The following SLC2A14 variants were observed in gnomAD, a reference collection of about 807,000 sequenced individuals.
SLC2A14 encodes the protein solute carrier family 2 member 14.
Under a neutral mutation model 43.0 loss-of-function variants are expected in SLC2A14, and 13 were observed. The ratio of observed to expected loss-of-function variants is 0.30; its 90% CI spans 0.20 to 0.48. SLC2A14 has a LOEUF of 0.48. Among genes scored for constraint, SLC2A14 ranks in the 20% least tolerant of loss-of-function variants. SLC2A14 has a pLI of 0.99. For synonymous variants in SLC2A14, 190 were observed against 233.8 expected (o/e 0.81, Z 1.71); for missense variants, 428 against 620.4 (o/e 0.69, Z 3.29).
In SLC2A14 at chr12:7,813,558, T is replaced by C. The variant is rs766782221; in HGVS notation, c.*758A>G. ...AAAGGAAATGAGTAGCTTTATTAAATAGGCATACAACTTTTCTGAGAAATC... is the reference window on the plus strand; with the variant it reads ...AAAGGAAATGAGTAGCTTTATTAAACAGGCATACAACTTTTCTGAGAAATC... On this transcript the variant is annotated 3_prime_UTR_variant, in exon 11 of 11. Coordinates refer to ENST00000431042, the MANE Select transcript of SLC2A14 (RefSeq NM_001286234.2). 40 of 152,320 alleles carry C rather than the reference T, an allele frequency of 2.6e-4. No individual in the cohort carries two copies. The highest frequency in any genetic ancestry group is 9.6e-4 in the African/African-American group (40 of 41,558). 9.4% of individuals were successfully genotyped at this position (152,320 alleles called of 1,614,324 possible).
chr12:7,873,359 G>A (rs1321913190), upstream of SLC2A14: 4 of 985,246 alleles, frequency 4.1e-6, no homozygotes, highest in Non-Finnish European at 4.8e-6. Context: ...GAGTTATTTC[G>A]GGCCGCGCAC....
chr12:7,885,674 AACAG>A (rs756610552), intron 1 of SLC2A14, among the ~76,000 whole-genome samples: 120 of 152,214 alleles, frequency 7.9e-4, no homozygotes, highest in African/African-American at 2.8e-3. Context: ...AAGAAAAGTA[AACAG>A]ACAAACAAAC....
intron 10 of SLC2A14, among the ~76,000 whole-genome samples, chr12:7,815,346 G>C (rs1304127439): frequency 1.3e-5 from 2 of 152,072 alleles, no homozygotes; most frequent in African/African-American, 4.8e-5. Flanking sequence ...ATCCCAGGAG[G>C]CAGAGGTTGC....
chr12:7,844,543 CT>C (rs34332998), intron 2 of SLC2A14, among the ~76,000 whole-genome samples: 84 of 146,018 alleles, frequency 5.8e-4, no homozygotes, highest in African/African-American at 5.0e-4. Context: ...TAGTAAACTC[CT>C]TTTTTTTTTT....
rs200866373 is a variant in SLC2A14, at chr12:7,834,188, CT to C, written c.19-1375del. 7.7e-3 allele frequency among the ~76,000 whole-genome samples: 1,136 copies of C among 147,932 alleles called. 26 individuals are homozygous for C. The highest frequency in any genetic ancestry group is 0.027 in the African/African-American group (1,077 of 40,442). On this transcript the variant is annotated intron_variant, in intron 2 of 10. Coordinates refer to ENST00000431042, the MANE Select transcript of SLC2A14 (RefSeq NM_001286234.2). The stretch of plus-strand genomic sequence containing the variant: ...CTCATCATTCACTATCTTTGAGAGC[CT>C]TTTTTTTTTCATTAGTCTCATAACT...
At chr12:7,881,132 C>A (rs1017252268) in intron 1 of SLC2A14, among the ~76,000 whole-genome samples, 2 of 152,120 alleles carry the variant, frequency 1.3e-5, no homozygotes, top group African/African-American at 2.4e-5. Context: ...TCCTCACAGC[C>A]CTCGCTCGCT....
chr12:7,890,910 G>A, intron 1 of SLC2A14: 2 of 1,416,018 alleles, frequency 1.4e-6, no homozygotes, highest in Non-Finnish European at 1.9e-6. Context: ...AAGAGAGACA[G>A]GAGGGCAAGT....
At position 7,883,123 on chromosome 12, in the gene SLC2A14, C is replaced by T. The variant is rs1813006902; in HGVS notation, c.132+7873G>A. On this transcript the variant is annotated intron_variant, in intron 1 of 9. Coordinates refer to the SLC2A14 transcript ENST00000539924. ...ACTCCGTAGGCTGAGTTGGGAGAAT[C>T]GCTGGAACCCAGAAGTCAGAGGTTG... is the stretch of plus-strand genomic sequence containing the variant. Among the ~76,000 whole-genome samples, 3 of 151,632 alleles carry T rather than the reference C, an allele frequency of 2.0e-5. 1 individual carries two copies. Among genetic ancestry groups the T allele is most frequent in the South Asian group, 2.1e-4 (1 of 4,788 alleles).
intron 9 of SLC2A14, among the ~76,000 whole-genome samples, chr12:7,818,618 C>T (rs6488682): frequency 0.6 from 90,908 of 151,698 alleles, 27,576 homozygotes; most frequent in African/African-American, 0.68. Flanking sequence ...GCCAAGATGG[C>T]GACATTGCAC....
intron 2 of SLC2A14, among the ~76,000 whole-genome samples, chr12:7,840,160 CTTTTTTTTTTTTTTTT>C (rs58740298): frequency 1.5e-5 from 1 of 68,800 alleles, no homozygotes; most frequent in Non-Finnish European, 2.3e-5. Flanking sequence ...GAGTTTGCTC[CTTTTTTTTTTTTTTTT>C]TTTTTTTTTT....
At chr12:7,829,483 C>A (rs1864808586) in intron 5 of SLC2A14, among the ~76,000 whole-genome samples, 1 of 151,230 alleles carries the variant, frequency 6.6e-6, no homozygotes, top group Admixed American at 6.6e-5. Context: ...TCACTTTAAC[C>A]CAGGAGGCAG....
chr12:7,886,613 G>C (rs1183164161), intron 1 of SLC2A14, among the ~76,000 whole-genome samples: 1 of 152,162 alleles, frequency 6.6e-6, no homozygotes, highest in East Asian at 1.9e-4. Flanking sequence ...AAACTAAGTA[G>C]TTTCAGTAGT....
chr12:7,861,263 G>T (rs150808176), intron 2 of SLC2A14, among the ~76,000 whole-genome samples: 1 of 152,000 alleles, frequency 6.6e-6, no homozygotes, highest in East Asian at 1.9e-4. Context: ...TGGGGGGGAG[G>T]CTTGTTTATT....
chr12:7,842,953 C>G (rs1321537851), intron 2 of SLC2A14, among the ~76,000 whole-genome samples: 1 of 152,054 alleles, frequency 6.6e-6, no homozygotes, highest in South Asian at 2.1e-4. Context: ...GTCTCGAACT[C>G]CCGACCTCAG....
chr12:7,846,818 G>A (rs184920995), intron 2 of SLC2A14, among the ~76,000 whole-genome samples: 163 of 151,566 alleles, frequency 1.1e-3, no homozygotes, highest in African/African-American at 3.7e-3. Flanking sequence ...ATTTTTAGTA[G>A]AGACAGGGTT....
intron 2 of SLC2A14, among the ~76,000 whole-genome samples, chr12:7,859,598 T>A (rs930508317): frequency 6.6e-6 from 1 of 152,068 alleles, no homozygotes; most frequent in Non-Finnish European, 1.5e-5. Context: ...GTTGTCTCCA[T>A]ACATCATGGA....
chr12:7,875,028 TA>T (rs1241593732), upstream of SLC2A14, among the ~76,000 whole-genome samples: 2 of 110,732 alleles, frequency 1.8e-5, no homozygotes, highest in Non-Finnish European at 3.4e-5. Flanking sequence ...TATATATAAA[TA>T]CATATATAAA....
chr12:7,881,312 G>A (rs746296034), intron 1 of SLC2A14, among the ~76,000 whole-genome samples: 1 of 152,164 alleles, frequency 6.6e-6, no homozygotes, highest in African/African-American at 2.4e-5. Context: ...GCTGCGCGCG[G>A]TGCTTGCGGG....
chr12:7,819,083 G>A (rs1863717804), intron 9 of SLC2A14, among the ~76,000 whole-genome samples: 1 of 151,988 alleles, frequency 6.6e-6, no homozygotes, highest in Non-Finnish European at 1.5e-5. Flanking sequence ...TGGGCGTGGA[G>A]GTGCATGCCT....
Sources: gnomAD v4.1 joint callset for allele counts (sites outside exome capture counted in the v4.1 genomes callset) on GRCh38, gnomAD v4.1.1 for gene constraint, MANE v1.5 for transcripts, NCBI Gene and HGNC (gene_info 2026-07-23, HGNC 2026-07-21) for gene names.